Variants in JARID2 observed in about 807,000 individuals in gnomAD.
JARID2 encodes protein Jumonji.
Under a neutral mutation model 125.6 loss-of-function variants are expected in JARID2, and 21 were observed. The observed-to-expected ratio is 0.17, with a 90% CI of 0.12 to 0.24. JARID2 has a LOEUF of 0.24. JARID2 is among the 10% of genes least tolerant of loss of function. The pLI is 1.00. For missense variants in JARID2, 1,303 were observed against 1,639.6 expected, an observed-to-expected ratio of 0.79 and a Z score of 3.55; for synonymous variants, 736 against 661.6, an observed-to-expected ratio of 1.11 and a Z score of -1.73.
chr6:15,405,392 A>C, intron 2 of JARID2, among the ~76,000 whole-genome samples: 1 of 152,202 alleles, frequency 6.6e-6, no homozygotes, highest in African/African-American at 2.4e-5. Flanking sequence ...CTTGTGGCTA[A>C]ATGGTCTTGG....
intron 1 of JARID2, among the ~76,000 whole-genome samples, chr6:15,335,049 G>C (rs1372392369): frequency 6.6e-6 from 1 of 152,078 alleles, no homozygotes; most frequent in Non-Finnish European, 1.5e-5. Context: ...TTGTGGAACT[G>C]GAATGGGCCC....
At chr6:15,268,005 C>T (rs537648609) in intron 1 of JARID2, among the ~76,000 whole-genome samples, 5 of 152,270 alleles carry the variant, frequency 3.3e-5, no homozygotes, top group African/African-American at 1.2e-4. Context: ...CCCCACACCC[C>T]AGAACAGGGG....
rs772629609 is a variant in JARID2 at position 15,517,144 on chromosome 6, C to T, written c.3451-17C>T. On this transcript the variant is annotated splice_polypyrimidine_tract_variant and intron_variant, in intron 16 of 17. Transcript: ENST00000341776. ...GAGCTGCCTCCTGACCTTCGGGTGT[C>T]CTGCTCTTGCTTGCAGGTGGTACAA... The T allele has an allele frequency of 2.5e-6, 4 of 1,597,528 alleles. No homozygotes were observed. Among genetic ancestry groups the T allele is most frequent in the Non-Finnish European group, 3.4e-6 (4 of 1,165,030 alleles).
intron 1 of JARID2, among the ~76,000 whole-genome samples, chr6:15,326,317 C>A (rs1345675160): frequency 6.6e-6 from 1 of 152,094 alleles, no homozygotes; most frequent in African/African-American, 2.4e-5. Context: ...GCAATACTCT[C>A]GCCTCAGCCT....
chr6:15,294,884 G>C (rs1469387039), intron 1 of JARID2, among the ~76,000 whole-genome samples: 1 of 152,138 alleles, frequency 6.6e-6, no homozygotes, highest in Non-Finnish European at 1.5e-5. Context: ...GACAGAGCAG[G>C]CATCCTGGAG....
intron 1 of JARID2, among the ~76,000 whole-genome samples, chr6:15,256,447 T>G (rs1367812220): frequency 6.6e-6 from 1 of 152,198 alleles, no homozygotes; most frequent in Non-Finnish European, 1.5e-5. Context: ...CGAAGATGTT[T>G]AAAGAAGACA....
intron 4 of JARID2, among the ~76,000 whole-genome samples, chr6:15,463,313 G>T (rs1025801730): frequency 6.6e-6 from 1 of 152,232 alleles, no homozygotes; most frequent in Non-Finnish European, 1.5e-5. Context: ...GGTGTTCCAT[G>T]TGAGGAGTCA....
At chr6:15,266,821 T>C (rs1216666707) in intron 1 of JARID2, among the ~76,000 whole-genome samples, 1 of 152,190 alleles carries the variant, frequency 6.6e-6, no homozygotes, top group African/African-American at 2.4e-5. Context: ...GCCTGCCTCC[T>C]AGAAAATGCA....
chr6:15,475,628 AC>A (rs1410340340), intron 5 of JARID2, among the ~76,000 whole-genome samples: 5 of 152,164 alleles, frequency 3.3e-5, no homozygotes, highest in African/African-American at 9.7e-5. Flanking sequence ...CTCTGCCCTT[AC>A]CCCTGTTCCC....
At chr6:15,344,285 ATTC>A (rs1763172957) in intron 1 of JARID2, among the ~76,000 whole-genome samples, 1 of 151,898 alleles carries the variant, frequency 6.6e-6, no homozygotes, top group Admixed American at 6.6e-5. Context: ...CCTCTCTAAC[ATTC>A]TGTCATGTTC....
intron 1 of JARID2, chr6:15,247,693 G>C: frequency 1.0e-6 from 1 of 985,260 alleles, no homozygotes; most frequent in Non-Finnish European, 1.2e-6. Flanking sequence ...CACTGGTTTT[G>C]TAAAAAAATA....
At chr6:15,321,798 T>TG (rs1269397824) in intron 1 of JARID2, among the ~76,000 whole-genome samples, 1 of 136,954 alleles carries the variant, frequency 7.3e-6, no homozygotes, top group African/African-American at 2.7e-5. Flanking sequence ...TTTTTTTTTT[T>TG]TTTTTTTTTT....
chr6:15,359,807 G>A (rs942631449), intron 1 of JARID2, among the ~76,000 whole-genome samples: 1 of 151,294 alleles, frequency 6.6e-6, no homozygotes, highest in African/African-American at 2.4e-5. Context: ...CTGTCTCGGC[G>A]TCCTGAGTAG....
intron 17 of JARID2, among the ~76,000 whole-genome samples, chr6:15,517,952 C>G (rs1362610606): frequency 6.6e-6 from 1 of 152,180 alleles, no homozygotes. Flanking sequence ...GTGGGTGCTG[C>G]GGGTATGACT....
chr6:15,260,211 G>C (rs1759818680), intron 1 of JARID2, among the ~76,000 whole-genome samples: 1 of 152,140 alleles, frequency 6.6e-6, no homozygotes, highest in Admixed American at 6.6e-5. Context: ...GCCAGGGAGG[G>C]TCTGGATTTG....
chr6:15,477,986 T>C (rs1046553808), intron 5 of JARID2, among the ~76,000 whole-genome samples: 1 of 152,208 alleles, frequency 6.6e-6, no homozygotes, highest in Non-Finnish European at 1.5e-5. Context: ...TGTTTCAGTG[T>C]GGTAGAAGGT....
intron 1 of JARID2, among the ~76,000 whole-genome samples, chr6:15,367,860 C>T (rs1049749033): frequency 2.0e-5 from 3 of 152,174 alleles, no homozygotes; most frequent in Non-Finnish European, 4.4e-5. Flanking sequence ...TCTTTCCAGT[C>T]GACTCCAAGT....
rs755075023 is a variant in JARID2 at position 15,496,524 on chromosome 6, G to C, written c.1299G>C (p.Leu433=). ...GGCAGCTGCGGGAGGGCCTGCAGCT[G>C]CGGGAGGGGCTGCGGAACTCCAAGA... ...GGRQLREGLQ[L]REGLRNSKRR... The change falls in exon 7 of 18, where the codon CTG becomes CTC. Residue 433 remains leucine (L), a synonymous_variant. Transcript: ENST00000341776. The C allele has an allele frequency of 2.5e-6, 4 of 1,605,808 alleles. No homozygotes were observed. The South Asian group carries it at 4.4e-5, about 18-fold the overall frequency.
chr6:15,276,275 G>GTTA (rs1397880050), intron 1 of JARID2, among the ~76,000 whole-genome samples: 1 of 152,164 alleles, frequency 6.6e-6, no homozygotes, highest in African/African-American at 2.4e-5. Context: ...GAAAAACCAG[G>GTTA]TTAATGCAAA....
Sources: gnomAD v4.1 joint callset for allele counts (sites outside exome capture counted in the v4.1 genomes callset) on GRCh38, gnomAD v4.1.1 for gene constraint, MANE v1.5 for transcripts, NCBI Gene and HGNC (gene_info 2026-07-23, HGNC 2026-07-21) for gene names.